Variants in GALNTL6 observed in about 807,000 individuals in gnomAD.
The protein encoded by GALNTL6 is polypeptide N-acetylgalactosaminyltransferase like 6, also known as polypeptide N-acetylgalactosaminyltransferase-like 6.
A neutral mutation model predicts 73.7 loss-of-function variants in GALNTL6; 46 were observed. The observed-to-expected ratio is 0.62, with a 90% CI of 0.49 to 0.80. GALNTL6 has a LOEUF of 0.80. Among genes scored for constraint, GALNTL6 ranks in the 30% least tolerant of loss-of-function variants. GALNTL6 has a pLI of 0.00. For missense variants in GALNTL6, 604 were observed against 755.0 expected, an observed-to-expected ratio of 0.80 and a Z score of 2.34; for synonymous variants, 259 against 263.7, an observed-to-expected ratio of 0.98 and a Z score of 0.17.
chr4:172,587,742 C>T (rs1363122532), intron 5 of GALNTL6, among the ~76,000 whole-genome samples: 1 of 152,096 alleles, frequency 6.6e-6, no homozygotes, highest in African/African-American at 2.4e-5. Context: ...TTTTGTGAAC[C>T]ATCACCACCC....
In GALNTL6 at chr4:172,799,691, T is replaced by C. The variant is rs1377769076; in HGVS notation, c.554-9670T>C. 2.0e-5 allele frequency among the ~76,000 whole-genome samples: 3 copies of C among 152,188 alleles called. No individual in the cohort carries two copies. The East Asian group carries it at 5.8e-4, about 29-fold the overall frequency. ...GGAATGTAAAATGGTGCAGTCACTA[T>C]GAAAAATAGTATAGTGGTTCCTCAA... is the stretch of plus-strand genomic sequence containing the variant. On this transcript the variant is annotated intron_variant, in intron 5 of 12. Transcript: ENST00000506823.
intron 2 of GALNTL6, among the ~76,000 whole-genome samples, chr4:171,899,009 CA>C (rs1274006264): frequency 1.4e-5 from 2 of 143,254 alleles, no homozygotes; most frequent in African/African-American, 2.6e-5. Flanking sequence ...TGAATACATT[CA>C]GGGGCATTTT....
chr4:172,424,088 G>GTA lies in GALNTL6; in HGVS notation c.553+75409_553+75410dup, dbSNP rs139171197. On this transcript the variant is annotated intron_variant, in intron 5 of 12. Coordinates refer to ENST00000506823, the MANE Select transcript of GALNTL6 (RefSeq NM_001034845.3). ...TGATTGTGGTGATAGTATCATGAGTGTATATATATATGTCCAAACTCACCA... is the reference window on the plus strand; with the variant it reads ...TGATTGTGGTGATAGTATCATGAGTGTATATATATATATGTCCAAACTCACCA... Among the ~76,000 whole-genome samples the GTA allele has an allele frequency of 9.6e-3, 1,462 of 151,910 alleles. 28 individuals are homozygous for GTA. Among genetic ancestry groups the GTA allele is most frequent in the African/African-American group, 0.033 (1,353 of 41,416 alleles).
chr4:172,727,838 T>A (rs7687385), intron 5 of GALNTL6, among the ~76,000 whole-genome samples: 148,409 of 151,800 alleles, frequency 0.98, 72,630 homozygotes, highest in Middle Eastern at 1. Flanking sequence ...AATATTTAAA[T>A]TATTTTAATA....
At chr4:173,011,682 A>T (rs1752560964) in intron 11 of GALNTL6, among the ~76,000 whole-genome samples, 1 of 152,102 alleles carries the variant, frequency 6.6e-6, no homozygotes, top group Non-Finnish European at 1.5e-5. Context: ...AAATGAGTTG[A>T]CTGTAGGTGT....
intron 2 of GALNTL6, among the ~76,000 whole-genome samples, chr4:172,210,996 T>G (rs1736305374): frequency 6.6e-6 from 1 of 152,226 alleles, no homozygotes; most frequent in Non-Finnish European, 1.5e-5. Flanking sequence ...TTGTTCCATA[T>G]TTAGCCATTT....
intron 9 of GALNTL6, among the ~76,000 whole-genome samples, chr4:172,949,685 G>A (rs1407298514): frequency 1.3e-5 from 2 of 151,926 alleles, no homozygotes; most frequent in Non-Finnish European, 2.9e-5. Context: ...CAACGCGGGT[G>A]GATCATGAGG....
intron 5 of GALNTL6, among the ~76,000 whole-genome samples, chr4:172,424,733 A>G (rs1731166227): frequency 1.3e-5 from 2 of 152,238 alleles, no homozygotes; most frequent in South Asian, 2.1e-4. Context: ...TTTATGGTCC[A>G]GAATTGGAAG....
rs954137398 is a variant in GALNTL6 at position 171,973,990 on chromosome 4, GT to G, written c.138+159275del. Among the ~76,000 whole-genome samples the G allele has an allele frequency of 1.1e-4, 17 of 151,894 alleles. 1 individual carries two copies. Among genetic ancestry groups the G allele is most frequent in the South Asian group, 4.2e-4 (2 of 4,798 alleles). On this transcript the variant is annotated intron_variant, in intron 2 of 12. Transcript: ENST00000506823. ...GACATTTTGTTTTTGCAATTTTTTTGTTTGTTTTATTTTATTTATTTATTTT... is the reference window on the plus strand; with the variant it reads ...GACATTTTGTTTTTGCAATTTTTTTGTTGTTTTATTTTATTTATTTATTTT...
chr4:172,890,304 G>A (rs183063646), intron 8 of GALNTL6, among the ~76,000 whole-genome samples: 10 of 152,090 alleles, frequency 6.6e-5, no homozygotes, highest in Admixed American at 6.6e-4. Flanking sequence ...TTTTGGGGTT[G>A]GAGTGTTTTT....
chr4:172,736,747 A>T (rs1297554847), intron 5 of GALNTL6, among the ~76,000 whole-genome samples: 1 of 152,226 alleles, frequency 6.6e-6, no homozygotes, highest in Non-Finnish European at 1.5e-5. Context: ...GGAACTAATA[A>T]ATGTCCTTGA....
chr4:172,589,833 C>CT (rs1410528388), intron 5 of GALNTL6, among the ~76,000 whole-genome samples: 7 of 152,116 alleles, frequency 4.6e-5, no homozygotes, highest in African/African-American at 1.7e-4. Flanking sequence ...CATGCAGTCT[C>CT]TCTCTCTCTC....
intron 2 of GALNTL6, among the ~76,000 whole-genome samples, chr4:171,993,041 C>T (rs1167364188): frequency 6.6e-6 from 1 of 151,164 alleles, no homozygotes; most frequent in Non-Finnish European, 1.5e-5. Context: ...CCTTTAAGTC[C>T]CCCCTTGAGA....
At chr4:172,756,028 G>A in intron 5 of GALNTL6, among the ~76,000 whole-genome samples, 1 of 152,148 alleles carries the variant, frequency 6.6e-6, no homozygotes, top group Non-Finnish European at 1.5e-5. Flanking sequence ...TTTTTTAGCT[G>A]TCAATGATTA....
intron 2 of GALNTL6, among the ~76,000 whole-genome samples, chr4:172,177,817 G>GTATATATA (rs1248713220): frequency 7.6e-6 from 1 of 132,170 alleles, no homozygotes; most frequent in Non-Finnish European, 1.6e-5. Context: ...ATATATGTGT[G>GTATATATA]TGTATATATA....
At chr4:173,003,272 G>C (rs1028497389) in intron 10 of GALNTL6, among the ~76,000 whole-genome samples, 5 of 152,144 alleles carry the variant, frequency 3.3e-5, no homozygotes, top group Non-Finnish European at 7.4e-5. Flanking sequence ...TCATTGAGGG[G>C]TAGGGAGGTG....
intron 2 of GALNTL6, among the ~76,000 whole-genome samples, chr4:172,033,390 A>G (rs1036870496): frequency 5.3e-5 from 8 of 152,098 alleles, no homozygotes; most frequent in African/African-American, 1.9e-4. Context: ...TAAAATAAAT[A>G]TCTAAGAAAA....
At chr4:173,003,777 T>G (rs1490683455) in intron 10 of GALNTL6, among the ~76,000 whole-genome samples, 1 of 152,226 alleles carries the variant, frequency 6.6e-6, no homozygotes, top group Non-Finnish European at 1.5e-5. Context: ...TTTTACTGTG[T>G]ACATTCAATT....
chr4:171,929,668 G>A (rs1261773912), intron 2 of GALNTL6, among the ~76,000 whole-genome samples: 1 of 152,180 alleles, frequency 6.6e-6, no homozygotes, highest in Non-Finnish European at 1.5e-5. Context: ...GCACCTCATT[G>A]CAGAGAGTGC....
Sources: allele counts gnomAD v4.1 joint callset (sites outside exome capture counted in the v4.1 genomes callset), GRCh38; gene constraint gnomAD v4.1.1; transcripts MANE v1.5; gene names NCBI Gene and HGNC (gene_info 2026-07-23, HGNC 2026-07-21).